The following MAGI2 variants were observed in gnomAD, a reference collection of about 807,000 sequenced individuals.
The protein encoded by MAGI2 is membrane associated guanylate kinase, WW and PDZ domain containing 2.
Under a neutral mutation model 133.3 loss-of-function variants are expected in MAGI2, and 35 were observed. The observed-to-expected ratio is 0.26, with a 90% CI of 0.20 to 0.35. The LOEUF is 0.35. Among genes scored for constraint, MAGI2 ranks in the 10% least tolerant of loss-of-function variants. The probability of loss-of-function intolerance (pLI) is 1.00; values close to 1 mark genes in which losing one functional copy is unlikely to be tolerated. For missense variants in MAGI2, 1,636 were observed against 1,863.4 expected (o/e 0.88, Z 2.25); for synonymous variants, 729 against 710.6 (o/e 1.03, Z -0.41).
chr7:78,629,961 T>C (rs911781224), intron 2 of MAGI2, among the ~76,000 whole-genome samples: 2 of 151,898 alleles, frequency 1.3e-5, no homozygotes, highest in African/African-American at 4.8e-5. Flanking sequence ...ATTTTATATT[T>C]TAAATCAAAT....
intron 10 of MAGI2, among the ~76,000 whole-genome samples, chr7:78,250,797 T>G (rs2150936019): frequency 6.6e-6 from 1 of 152,200 alleles, no homozygotes. Context: ...ACTGGTGAAT[T>G]CTATCAGACT....
intron 1 of MAGI2, among the ~76,000 whole-genome samples, chr7:79,105,195 A>C (rs898433978): frequency 6.6e-6 from 1 of 152,224 alleles, no homozygotes; most frequent in African/African-American, 2.4e-5. Flanking sequence ...TTCCCTGCTT[A>C]GTAAAACACT....
chr7:78,624,701 T>C lies in MAGI2; in HGVS notation c.538+2419A>G, dbSNP rs1808141560. ...AAGAACAGCTAATGGATGCTAGGCT[T>C]AATATGTAGGTGATGGGGATGATCT... On this transcript the variant is annotated intron_variant, in intron 3 of 21. Transcript: ENST00000354212. Among the ~76,000 whole-genome samples, 3 of 91,814 alleles carry C rather than the reference T, an allele frequency of 3.3e-5. No individual in the cohort carries two copies. In the Admixed American group the frequency reaches 3.6e-4, roughly 11 times the overall value. 60.2% of individuals were successfully genotyped at this position (91,814 alleles called of 152,430 possible). A position where few individuals can be genotyped will look rare whatever the true frequency, so the allele number is the denominator to read the frequency against.
chr7:78,627,014 T>G, intron 3 of MAGI2, 106 bp downstream of exon 3: 1 of 1,224,444 alleles, frequency 8.2e-7, no homozygotes, highest in East Asian at 2.8e-5. Flanking sequence ...ATTAAAGCTC[T>G]CAAACCCAAA....
intron 1 of MAGI2, among the ~76,000 whole-genome samples, chr7:79,150,885 T>C (rs1234907496): frequency 6.6e-6 from 1 of 152,110 alleles, no homozygotes. Flanking sequence ...CTTTTAAAAG[T>C]TGACTAATAA....
chr7:78,956,904 T>C (rs923663425), intron 2 of MAGI2, among the ~76,000 whole-genome samples: 1 of 152,096 alleles, frequency 6.6e-6, no homozygotes, highest in African/African-American at 2.4e-5. Flanking sequence ...GAGATGTGTT[T>C]TTGCTAGCTC....
intron 6 of MAGI2, among the ~76,000 whole-genome samples, chr7:78,457,922 C>A (rs1014920050): frequency 4.6e-5 from 7 of 152,104 alleles, no homozygotes; most frequent in African/African-American, 1.7e-4. Context: ...ATCTCCAAAG[C>A]CTTTAATAAT....
chr7:79,129,988 A>AT (rs1820771031), intron 1 of MAGI2, among the ~76,000 whole-genome samples: 2 of 152,012 alleles, frequency 1.3e-5, no homozygotes, highest in Non-Finnish European at 2.9e-5. Flanking sequence ...ACGGTTATTT[A>AT]TTTTTGGAGT....
chr7:78,022,928 A>G (rs1333073430), intron 21 of MAGI2, among the ~76,000 whole-genome samples: 1 of 152,238 alleles, frequency 6.6e-6, no homozygotes, highest in Non-Finnish European at 1.5e-5. Flanking sequence ...ACTAAAAACT[A>G]AAATGTTCCA....
chr7:78,165,808 T>C (rs1825568371), intron 15 of MAGI2, among the ~76,000 whole-genome samples: 3 of 152,248 alleles, frequency 2.0e-5, no homozygotes, highest in Admixed American at 2.0e-4. Context: ...CATTGTCATA[T>C]TCATTTGTAG....
At chr7:79,076,142 C>A (rs187628433) in intron 1 of MAGI2, among the ~76,000 whole-genome samples, 19 of 152,312 alleles carry the variant, frequency 1.2e-4, no homozygotes, top group African/African-American at 4.6e-4. Flanking sequence ...CAATTATATT[C>A]TCAACTTTAT....
chr7:78,253,453 T>C (rs1454147574), intron 10 of MAGI2: 9 of 152,236 alleles, frequency 5.9e-5, no homozygotes, highest in Admixed American at 5.9e-4. Flanking sequence ...TATATCATTT[T>C]AGCAACTTAC....
chr7:78,416,968 C>A (rs545189897), intron 6 of MAGI2, among the ~76,000 whole-genome samples: 1 of 152,216 alleles, frequency 6.6e-6, no homozygotes, highest in African/African-American at 2.4e-5. Flanking sequence ...ACCACATAGT[C>A]TGAGAATTTT....
chr7:78,291,719 A>G (rs988420950), intron 9 of MAGI2, among the ~76,000 whole-genome samples: 3 of 152,254 alleles, frequency 2.0e-5, no homozygotes, highest in African/African-American at 7.2e-5. Context: ...CAGCACATCA[A>G]GAAGCTTCTC....
chr7:79,409,687 T>G (rs981580830), intron 1 of MAGI2, among the ~76,000 whole-genome samples: 3 of 152,084 alleles, frequency 2.0e-5, no homozygotes, highest in Non-Finnish European at 4.4e-5. Flanking sequence ...AAGGGTTATA[T>G]GTCACAATAG....
intron 2 of MAGI2, among the ~76,000 whole-genome samples, chr7:78,774,161 A>C (rs1825801334): frequency 6.6e-6 from 1 of 152,204 alleles, no homozygotes; most frequent in African/African-American, 2.4e-5. Flanking sequence ...AAATTACTTG[A>C]ATCAGAACAT....
chr7:79,432,501 C>A (rs1458604385), intron 1 of MAGI2, among the ~76,000 whole-genome samples: 1 of 152,188 alleles, frequency 6.6e-6, no homozygotes, highest in African/African-American at 2.4e-5. Flanking sequence ...AAGGTGGGAA[C>A]CTGAGTGGAG....
At chr7:78,766,738 A>T (rs1329003459) in intron 2 of MAGI2, among the ~76,000 whole-genome samples, 5 of 152,214 alleles carry the variant, frequency 3.3e-5, no homozygotes, top group Non-Finnish European at 7.3e-5. Flanking sequence ...AATTTGATGT[A>T]TTCTTAGTGT....
At chr7:78,172,968 C>G (rs1219604445) in intron 14 of MAGI2, among the ~76,000 whole-genome samples, 1 of 152,202 alleles carries the variant, frequency 6.6e-6, no homozygotes, top group Non-Finnish European at 1.5e-5. Flanking sequence ...GAGACTTAGG[C>G]TGCTACTTTA....
Sources: allele counts gnomAD v4.1 joint callset (sites outside exome capture counted in the v4.1 genomes callset), GRCh38; gene constraint gnomAD v4.1.1; transcripts MANE v1.5; gene names NCBI Gene and HGNC (gene_info 2026-07-23, HGNC 2026-07-21).